The following APTX variants were observed in gnomAD, a reference collection of about 807,000 sequenced individuals.
APTX encodes forkhead-associated domain histidine triad-like protein.
APTX carries 33 observed loss-of-function variants against 42.3 expected under a neutral mutation model. That is an observed-to-expected ratio of 0.78 (90% CI 0.59 to 1.04). APTX has a LOEUF of 1.04. APTX is among the 50% of genes least tolerant of loss of function. The pLI, the probability that APTX is intolerant of heterozygous loss-of-function variation, is 0.00. For missense variants in APTX, 421 were observed against 415.1 expected, an observed-to-expected ratio of 1.01 and a Z score of -0.12; for synonymous variants, 130 against 146.7, an observed-to-expected ratio of 0.89 and a Z score of 0.82.
chr9:32,989,886 C>A lies in APTX; in HGVS notation c.6G>T (p.Met2Ile), dbSNP rs765502617. Residue 2 changes from methionine (M) to isoleucine (I), a missense_variant, in exon 2 of 8, where the codon ATG becomes ATT. Transcript: ENST00000379817. M[M>I]RVCWLVRQDS... ...CCTGTCTCACCAACCAGCACACCCG[C>A]ATCATCACTCTAAGGGACAAAACAA... The A allele has an allele frequency of 1.9e-6, 3 of 1,614,040 alleles. No homozygotes were observed. The highest frequency in any genetic ancestry group is 2.5e-6 in the Non-Finnish European group (3 of 1,179,964).
chr9:33,003,908 G>A (rs1267695358), upstream of APTX, among the ~76,000 whole-genome samples: 1 of 152,142 alleles, frequency 6.6e-6, no homozygotes, highest in East Asian at 1.9e-4. Context: ...TCCACCCGTG[G>A]ATATTCCACC....
intron 1 of APTX, among the ~76,000 whole-genome samples, chr9:33,000,827 A>G (rs1333982379): frequency 6.7e-6 from 1 of 148,188 alleles, no homozygotes; most frequent in Non-Finnish European, 1.5e-5. Flanking sequence ...TGTATGGGGA[A>G]AGGCTTTTTT....
intron 1 of APTX, among the ~76,000 whole-genome samples, chr9:33,010,743 T>C (rs1837483949): frequency 6.6e-6 from 1 of 151,880 alleles, no homozygotes; most frequent in Non-Finnish European, 1.5e-5. Context: ...AGTTCCTGCT[T>C]TCAAGGATCT....
chr9:32,992,076 A>G lies in APTX; in HGVS notation c.-4-2181T>C, dbSNP rs185245364. The stretch of plus-strand genomic sequence containing the variant: ...AAGAGAGAGAGGATGAGATCACCCA[A>G]TGAGGTGAAACAGGGAATTATGGGC... On this transcript the variant is annotated intron_variant, in intron 1 of 7. Coordinates refer to ENST00000379817, the MANE Select transcript of APTX (RefSeq NM_001195248.2). Among the ~76,000 whole-genome samples the G allele has an allele frequency of 1.8e-3, 273 of 152,268 alleles. 1 individual carries two copies. The highest frequency in any genetic ancestry group is 3.5e-3 in the Admixed American group (53 of 15,286).
rs534280897 is a variant in APTX at position 32,979,966 on chromosome 9, G to A, written c.770+4665C>T. On this transcript the variant is annotated intron_variant, in intron 6 of 7. Transcript: ENST00000379817. Reference sequence around the variant, plus strand: ...AGTGTAGCCATCTCCTGTTTGGAGAGCTGCAGCAAGCACCTCGCAACACTT... The same window carrying A: ...AGTGTAGCCATCTCCTGTTTGGAGAACTGCAGCAAGCACCTCGCAACACTT... 11 of 161,088 alleles carry A rather than the reference G, an allele frequency of 6.8e-5. No individual in the cohort carries two copies. In the South Asian group the frequency reaches 1.8e-3, roughly 26 times the overall value. 10.0% of individuals were successfully genotyped at this position (161,088 alleles called of 1,614,324 possible). A position where few individuals can be genotyped will look rare whatever the true frequency, so the allele number is the denominator to read the frequency against.
At chr9:32,984,926 T>C in intron 5 of APTX, 69 bp from the exon 6 acceptor site, 1 of 1,396,548 alleles carries the variant, frequency 7.2e-7, no homozygotes, top group South Asian at 1.2e-5. Context: ...GGTTGTTATA[T>C]TCACTAAGTC....
chr9:33,011,969 G>C (rs912125507), intron 1 of APTX, among the ~76,000 whole-genome samples: 2 of 151,934 alleles, frequency 1.3e-5, no homozygotes, highest in Admixed American at 1.3e-4. Flanking sequence ...GCATGGTTTG[G>C]TCCCTCTTGA....
chr9:32,981,330 T>TA (rs1278212139), intron 6 of APTX, among the ~76,000 whole-genome samples: 3 of 152,172 alleles, frequency 2.0e-5, no homozygotes, highest in South Asian at 2.1e-4. Flanking sequence ...GAATGAAACT[T>TA]AGAGTTGGAA....
intron 1 of APTX, among the ~76,000 whole-genome samples, chr9:33,023,273 G>C (rs1025505835): frequency 9.2e-5 from 14 of 151,826 alleles, no homozygotes; most frequent in African/African-American, 2.9e-4. Context: ...AACCAGGCTG[G>C]AGTATAGCGG....
chr9:32,984,589 T>C, intron 6 of APTX, 42 bp downstream of exon 6: 2 of 1,591,402 alleles, frequency 1.3e-6, no homozygotes, highest in Non-Finnish European at 1.7e-6. Flanking sequence ...TCTGCCCACC[T>C]GGACAGAACC....
Position 32,997,379 on chromosome 9 carries a change from G to A in APTX, c.-5+4188C>T, listed in dbSNP as rs10813919. ...GGAGGAGAAAAACACAAACAATTATGTTAATAGTAGATGTGGTAAACATGA... is the reference window on the plus strand; with the variant it reads ...GGAGGAGAAAAACACAAACAATTATATTAATAGTAGATGTGGTAAACATGA... On this transcript the variant is annotated intron_variant, in intron 1 of 7. Coordinates refer to ENST00000379817, the MANE Select transcript of APTX (RefSeq NM_001195248.2). 0.071 allele frequency: 10,818 copies of A among 152,076 alleles called. 518 individuals carry two copies. The highest frequency in any genetic ancestry group is 0.11 in the Non-Finnish European group (7,358 of 68,012). 9.4% of individuals were successfully genotyped at this position (152,076 alleles called of 1,614,324 possible). A position where few individuals can be genotyped will look rare whatever the true frequency, so the allele number is the denominator to read the frequency against.
chr9:32,980,537 GCC>G (rs1830452724), intron 6 of APTX: 1 of 152,326 alleles, frequency 6.6e-6, no homozygotes. Context: ...CACAAACCAA[GCC>G]CACAGGGGCA....
chr9:32,984,677 T>C lies in APTX; in HGVS notation c.724A>G (p.Ser242Gly), dbSNP rs1831475804. The change falls in exon 6 of 8, where the codon AGC becomes GGC. Residue 242 changes from serine to glycine, a missense_variant. By Grantham distance (56) the Ser-to-Gly change is moderately conservative. Coordinates refer to ENST00000379817, the MANE Select transcript of APTX (RefSeq NM_001195248.2). ...TAGCCCAATCGGAAGCGGAGTTTGCTGGACCCAGCAAAATCTACAATCACC... is the reference window on the plus strand; with the variant it reads ...TAGCCCAATCGGAAGCGGAGTTTGCCGGACCCAGCAAAATCTACAATCACC... Reference protein sequence around the residue: ...EKVIVDFAGSSKLRFRLGYHA... With the variant: ...EKVIVDFAGSGKLRFRLGYHA... The C allele has an allele frequency of 1.2e-6, 2 of 1,614,106 alleles. No homozygotes were observed. Among genetic ancestry groups the C allele is most frequent in the African/African-American group, 2.7e-5 (2 of 74,946 alleles).
chr9:32,997,238 C>T (rs961135341), intron 1 of APTX: 3 of 152,150 alleles, frequency 2.0e-5, no homozygotes, highest in Non-Finnish European at 4.4e-5. Flanking sequence ...CATGGTGGCA[C>T]GTACCTGTAG....
At chr9:32,995,430 AAAGAG>A (rs1194485746) in intron 1 of APTX, among the ~76,000 whole-genome samples, 1 of 152,254 alleles carries the variant, frequency 6.6e-6, no homozygotes, top group Admixed American at 6.5e-5. Context: ...TAGCAGAAAT[AAAGAG>A]AACTAAAATT....
At chr9:32,999,863 G>A (rs1255139373) in intron 1 of APTX, among the ~76,000 whole-genome samples, 1 of 152,124 alleles carries the variant, frequency 6.6e-6, no homozygotes. Context: ...GTAGTCCTGA[G>A]CCAGGAGAAT....
intron 1 of APTX, among the ~76,000 whole-genome samples, chr9:32,996,381 TC>T (rs1206100584): frequency 2.0e-5 from 3 of 151,800 alleles, no homozygotes; most frequent in Non-Finnish European, 4.4e-5. Context: ...GCTAAAGTGG[TC>T]CTCCAGCCTC....
rs749477339 is a variant in APTX at position 32,986,038 on chromosome 9, AAAAACAAAAAAAAAAAC to A, written c.484-25_484-9del. 929 of 656,032 alleles carry A rather than the reference AAAAACAAAAAAAAAAAC, an allele frequency of 1.4e-3. 11 individuals are homozygous for A. The African/African-American group carries it at 0.021, about 15-fold the overall frequency. The allele number at this position is 656,032 out of a possible 1,614,324, so 40.6% of individuals were successfully genotyped here. The stretch of plus-strand genomic sequence containing the variant: ...CCAGTGGCCCAGGGATTCCTAAAAA[AAAAACAAAAAAAAAAAC>A]AAAAAAAAAAAAAAACAAGCAATGT... On this transcript the variant is annotated splice_polypyrimidine_tract_variant and intron_variant, in intron 4 of 7. Coordinates refer to ENST00000379817, the MANE Select transcript of APTX (RefSeq NM_001195248.2).
chr9:33,005,767 G>T (rs10971298), upstream of APTX, among the ~76,000 whole-genome samples: 1 of 152,092 alleles, frequency 6.6e-6, no homozygotes, highest in East Asian at 1.9e-4. Context: ...GTAAGGTAAG[G>T]CTCCAACTTC....
Sources: gnomAD v4.1 joint callset for allele counts (sites outside exome capture counted in the v4.1 genomes callset) on GRCh38, gnomAD v4.1.1 for gene constraint, MANE v1.5 for transcripts, NCBI Gene and HGNC (gene_info 2026-07-23, HGNC 2026-07-21) for gene names.